DPP9: variants seen among roughly 807,000 people sequenced by gnomAD.
The protein encoded by DPP9 is dipeptidyl peptidase IV-related protein-2.
In DPP9, 50 loss-of-function variants were observed where a neutral mutation model predicts 110.7. That is an observed-to-expected ratio of 0.45 (90% CI 0.36 to 0.57). DPP9 has a LOEUF of 0.57. Ranked by LOEUF, DPP9 falls within the 20% of genes least tolerant of loss-of-function variation. DPP9 has a pLI of 0.00. For synonymous variants in DPP9, 561 were observed against 514.4 expected, an observed-to-expected ratio of 1.09 and a Z score of -1.23; for missense variants, 1,022 against 1,217.9, an observed-to-expected ratio of 0.84 and a Z score of 2.39.
chr19:4,688,697 C>G, intron 16 of DPP9, 60 bp downstream of exon 16: 1 of 1,364,226 alleles, frequency 7.3e-7, no homozygotes, highest in Non-Finnish European at 9.4e-7. Context: ...ATGGGGCCCT[C>G]GTCCCGTTTT....
In DPP9 at chr19:4,675,558, T is replaced by C. The variant is rs1407091207; in HGVS notation, c.*1006A>G. ...CCACTGACCAGCAGAGCGTGGAAGT[T>C]CGGTGCGTTTCAGTGCCTGCCTGAA... On this transcript the variant is annotated 3_prime_UTR_variant, in exon 22 of 22. Coordinates refer to ENST00000262960, the MANE Select transcript of DPP9 (RefSeq NM_139159.5). 1 of 152,078 alleles carries C rather than the reference T, an allele frequency of 6.6e-6. No homozygotes were observed. Among genetic ancestry groups the C allele is most frequent in the Non-Finnish European group, 1.5e-5 (1 of 68,048 alleles). The allele number at this position is 152,078 out of a possible 1,614,324, so 9.4% of individuals were successfully genotyped here. A position where few individuals can be genotyped will look rare whatever the true frequency, so the allele number is the denominator to read the frequency against.
chr19:4,682,870 G>C lies in DPP9; in HGVS notation c.2332-32C>G, dbSNP rs777609532. ...GACACAGCAGACAGATGGGGGCAGA[G>C]AGAGAGAGAGAAACAGGCGTCGGGT... On this transcript the variant is annotated intron_variant, in intron 19 of 21. Coordinates refer to ENST00000262960, the MANE Select transcript of DPP9 (RefSeq NM_139159.5). The surrounding 1 kb of genome is among the most constrained non-coding windows in gnomAD (Gnocchi z 7.1). 18 of 1,469,980 alleles carry C rather than the reference G, an allele frequency of 1.2e-5. No individual in the cohort carries two copies. The South Asian group carries it at 2.2e-4, about 18-fold the overall frequency. 91.1% of individuals were successfully genotyped at this position (1,469,980 alleles called of 1,614,324 possible). A position where few individuals can be genotyped will look rare whatever the true frequency, so the allele number is the denominator to read the frequency against.
chr19:4,723,004 C>A (rs2093388723), intron 1 of DPP9, among the ~76,000 whole-genome samples: 1 of 152,128 alleles, frequency 6.6e-6, no homozygotes, highest in Admixed American at 6.6e-5. Context: ...GTTGGACAGG[C>A]CTGAGAAGGG....
Position 4,682,922 on chromosome 19 carries a change from CG to C in DPP9, c.2332-85del. The C allele has an allele frequency of 6.5e-7, 1 of 1,537,732 alleles. No homozygotes were observed. ...CTACAGCCAGCATCAGCCGCTGTCC[CG>C]GGGCCGCCCTGGAGCCCGTGAGGAG... On this transcript the variant is annotated intron_variant, in intron 19 of 21. Transcript: ENST00000262960. The surrounding 1 kb of genome is among the most constrained non-coding windows in gnomAD (Gnocchi z 7.1).
At chr19:4,708,590 G>T (rs1198981053) in intron 4 of DPP9, among the ~76,000 whole-genome samples, 1 of 152,182 alleles carries the variant, frequency 6.6e-6, no homozygotes, top group African/African-American at 2.4e-5. Flanking sequence ...ATACACCACG[G>T]AGTACTCTGC....
At chr19:4,688,668 C>G (rs569158196) in intron 16 of DPP9, 89 bp downstream of exon 16, 1 of 1,345,854 alleles carries the variant, frequency 7.4e-7, no homozygotes, top group East Asian at 3.1e-5. Flanking sequence ...AGCTCCAGGC[C>G]TCTGCCTCTT....
rs1336391008 is a variant in DPP9, at chr19:4,718,265, C to T, written c.56+1586G>A. On this transcript the variant is annotated intron_variant, in intron 3 of 21. Coordinates refer to ENST00000262960, the MANE Select transcript of DPP9 (RefSeq NM_139159.5). This position sits in a 1 kb window ranked among gnomAD's most constrained non-coding sequence, Gnocchi z 4.3. Reference sequence around the variant, plus strand: ...TGTGTCTGAGCTGGTGCTTTGGTGGCGAGCGGGGGCGGGGGAGTAGTTGGA... The same window carrying T: ...TGTGTCTGAGCTGGTGCTTTGGTGGTGAGCGGGGGCGGGGGAGTAGTTGGA... Among the ~76,000 whole-genome samples the T allele has an allele frequency of 1.3e-5, 2 of 151,716 alleles. No homozygotes were observed. Among genetic ancestry groups the T allele is most frequent in the East Asian group, 1.9e-4 (1 of 5,178 alleles).
chr19:4,681,624 G>A (rs558466254), intron 20 of DPP9, among the ~76,000 whole-genome samples: 1 of 152,200 alleles, frequency 6.6e-6, no homozygotes, highest in Admixed American at 6.5e-5. Context: ...GAGTGCAGTG[G>A]CACGATGTTC....
rs766306039 is a variant in DPP9 at position 4,703,961 on chromosome 19, A to C, written c.694T>G (p.Phe232Val). Residue 232 changes from phenylalanine (F) to valine (V), a missense_variant, in exon 7 of 22, where the codon TTC becomes GTC. By Grantham distance (50) the Phe-to-Val change is conservative. Coordinates refer to ENST00000262960, the MANE Select transcript of DPP9 (RefSeq NM_139159.5). Reference sequence around the variant, plus strand: ...ACCCACAGGTCGCTGTTATTGATGAAGGAGAAGAAGGCAGGGTCGGCAGGG... The same window carrying C: ...ACCCACAGGTCGCTGTTATTGATGACGGAGAAGAAGGCAGGGTCGGCAGGG... Reference protein sequence around the residue: ...ICPADPAFFSFINNSDLWVAN... With the variant: ...ICPADPAFFSVINNSDLWVAN... The C allele has an allele frequency of 6.2e-7, 1 of 1,613,934 alleles. No homozygotes were observed. The highest frequency in any genetic ancestry group is 8.5e-7 in the Non-Finnish European group (1 of 1,179,858).
At chr19:4,723,098 A>G (rs2146071511) in intron 1 of DPP9, among the ~76,000 whole-genome samples, 1 of 152,326 alleles carries the variant, frequency 6.6e-6, no homozygotes. Context: ...ACGCCTCGGC[A>G]GGAAAAAGAG....
rs534002113 is a variant in DPP9, at chr19:4,709,336, T to G, written c.314-3366A>C. ...GTGAAGTACAGTAGTGACGGAAGGATGTACTTAAAGAAAAAGATTAGATTA... is the reference window on the plus strand; with the variant it reads ...GTGAAGTACAGTAGTGACGGAAGGAGGTACTTAAAGAAAAAGATTAGATTA... On this transcript the variant is annotated intron_variant, in intron 4 of 21. Transcript: ENST00000262960. Among the ~76,000 whole-genome samples, 266 of 152,164 alleles carry G rather than the reference T, an allele frequency of 1.7e-3. 1 individual carries two copies. The highest frequency in any genetic ancestry group is 6.2e-3 in the African/African-American group (259 of 41,520).
At chr19:4,711,213 T>C (rs2092814484) in intron 4 of DPP9, among the ~76,000 whole-genome samples, 1 of 152,112 alleles carries the variant, frequency 6.6e-6, no homozygotes, top group Admixed American at 6.5e-5. Flanking sequence ...TTTCTGCTCT[T>C]GGGTTCCATG....
chr19:4,679,200 C>G (rs1356404199), intron 21 of DPP9: 1 of 152,522 alleles, frequency 6.6e-6, no homozygotes, highest in Non-Finnish European at 1.5e-5. Flanking sequence ...GGAAGCCCCA[C>G]CCACCGTAAC....
rs1599848405 is a variant in DPP9 at position 4,676,316 on chromosome 19, G to A, written c.*248C>T. On this transcript the variant is annotated 3_prime_UTR_variant, in exon 22 of 22. Coordinates refer to ENST00000262960, the MANE Select transcript of DPP9 (RefSeq NM_139159.5). The surrounding 1 kb of genome is among the most constrained non-coding windows in gnomAD (Gnocchi z 4.0). ...CTCCTCCCAGAAGGCGGGGAGAGGAGGGGCTGGCCCGAGACCACCATCTCT... is the reference window on the plus strand; with the variant it reads ...CTCCTCCCAGAAGGCGGGGAGAGGAAGGGCTGGCCCGAGACCACCATCTCT... 3 of 537,042 alleles carry A rather than the reference G, an allele frequency of 5.6e-6. No homozygotes were observed. The East Asian group carries it at 9.7e-5, about 17-fold the overall frequency. 33.3% of individuals were successfully genotyped at this position (537,042 alleles called of 1,614,324 possible).
intron 4 of DPP9, among the ~76,000 whole-genome samples, chr19:4,706,640 A>G (rs1235362667): frequency 2.0e-5 from 3 of 152,032 alleles, no homozygotes; most frequent in African/African-American, 4.8e-5. Flanking sequence ...ACATGGTGAA[A>G]CCCCATCTCT....
At chr19:4,696,422 C>A (rs1292419651) in intron 11 of DPP9, among the ~76,000 whole-genome samples, 1 of 151,214 alleles carries the variant, frequency 6.6e-6, no homozygotes, top group African/African-American at 2.4e-5. Flanking sequence ...AAGTTCAAGA[C>A]CTGCCTGGGC....
In DPP9 at chr19:4,695,496, G is replaced by C. The variant is rs760835832; in HGVS notation, c.1235C>G (p.Pro412Arg). The change falls in exon 12 of 22, where the codon CCG becomes CGG. Residue 412 changes from proline (P) to arginine (R), a missense_variant. Pro to Arg is a moderately radical substitution (Grantham distance 103, BLOSUM62 -2). Transcript: ENST00000262960. The surrounding 1 kb of genome is among the most constrained non-coding windows in gnomAD (Gnocchi z 4.7). ...CTCTGTGCTCGGGATGAACAGGGCCGGGGGGAGGAGGACGAGCTGGAGCCA... is the reference window on the plus strand; with the variant it reads ...CTCTGTGCTCGGGATGAACAGGGCCCGGGGGAGGAGGACGAGCTGGAGCCA... ...QQWLQLVLLP[P>R]ALFIPSTENE... 18 of 1,554,966 alleles carry C rather than the reference G, an allele frequency of 1.2e-5. No individual in the cohort carries two copies. Among genetic ancestry groups the C allele is most frequent in the Middle Eastern group, 1.7e-4 (1 of 5,888 alleles).
Position 4,685,189 on chromosome 19 carries a change from A to C in DPP9, c.2032-380T>G, listed in dbSNP as rs1013835736. 1.9e-6 allele frequency: 1 copy of C among 527,490 alleles called. No individual in the cohort carries two copies. Among genetic ancestry groups the C allele is most frequent in the African/African-American group, 1.9e-5 (1 of 52,866 alleles). The allele number at this position is 527,490 out of a possible 1,614,324, so 32.7% of individuals were successfully genotyped here. A position where few individuals can be genotyped will look rare whatever the true frequency, so the allele number is the denominator to read the frequency against. On this transcript the variant is annotated intron_variant, in intron 17 of 21. Coordinates refer to ENST00000262960, the MANE Select transcript of DPP9 (RefSeq NM_139159.5). This position sits in a 1 kb window ranked among gnomAD's most constrained non-coding sequence, Gnocchi z 5.8. ...AACTCGCAGTGGTGATGAACCACAA[A>C]GTACCCAGACATCGCCCCGTATCCT... is the stretch of plus-strand genomic sequence containing the variant.
At position 4,682,222 on chromosome 19, in the gene DPP9, A is replaced by G. The variant is rs2090004839; in HGVS notation, c.2474+474T>C. Among the ~76,000 whole-genome samples, 1 of 152,192 alleles carries G rather than the reference A, an allele frequency of 6.6e-6. No individual in the cohort carries two copies. Among genetic ancestry groups the G allele is most frequent in the South Asian group, 2.1e-4 (1 of 4,836 alleles). On this transcript the variant is annotated intron_variant, in intron 20 of 21. Coordinates refer to ENST00000262960, the MANE Select transcript of DPP9 (RefSeq NM_139159.5). This position sits in a 1 kb window ranked among gnomAD's most constrained non-coding sequence, Gnocchi z 7.1. ...GGAACATTTTCTGGAGACGTGCCAG[A>G]AAATGGGAACACTGTTTTCTCTCCA...
Sources: allele counts gnomAD v4.1 joint callset (sites outside exome capture counted in the v4.1 genomes callset), GRCh38; gene constraint gnomAD v4.1.1; non-coding constraint Gnocchi (gnomAD v3.1); transcripts MANE v1.5; gene names NCBI Gene and HGNC (gene_info 2026-07-23, HGNC 2026-07-21).